ZNF609: variants seen among roughly 807,000 people sequenced by gnomAD.
The protein encoded by ZNF609 is zinc finger protein 609.
ZNF609 carries 11 observed loss-of-function variants against 109.5 expected under a neutral mutation model. That is an observed-to-expected ratio of 0.10 (90% confidence interval 0.06 to 0.17). The LOEUF is 0.17. Among genes scored for constraint, ZNF609 ranks in the 10% least tolerant of loss-of-function variants. The pLI, the probability that ZNF609 is intolerant of heterozygous loss-of-function variation, is 1.00. For synonymous variants in ZNF609, 646 were observed against 662.0 expected (o/e 0.98, Z 0.37); for missense variants, 1,559 against 1,772.4 (o/e 0.88, Z 2.16).
At chr15:64,617,849 T>C (rs956103118) in intron 2 of ZNF609, among the ~76,000 whole-genome samples, 1 of 152,048 alleles carries the variant, frequency 6.6e-6, no homozygotes, top group Non-Finnish European at 1.5e-5. Context: ...ACTCCAGAGA[T>C]CTCCTCTTTA....
chr15:64,477,341 C>A (rs547028131), intron 1 of ZNF609, among the ~76,000 whole-genome samples: 54 of 151,864 alleles, frequency 3.6e-4, no homozygotes, highest in African/African-American at 1.3e-3. Flanking sequence ...GGGGTTTCAC[C>A]GTGTTAGCCA....
intron 2 of ZNF609, among the ~76,000 whole-genome samples, chr15:64,535,502 A>C (rs1894127472): frequency 6.6e-6 from 1 of 152,084 alleles, no homozygotes; most frequent in Admixed American, 6.6e-5. Context: ...GATATACCAC[A>C]GTTTGTTTTA....
At position 64,475,429 on chromosome 15, in the gene ZNF609, T is replaced by A. The variant is rs569102316; in HGVS notation, c.-128+14591T>A. On this transcript the variant is annotated intron_variant, in intron 1 of 9. Transcript: ENST00000326648. The stretch of plus-strand genomic sequence containing the variant: ...TTTTTTTTGAGACGGAGTCTTACTC[T>A]GTCACCCAGGCTAGAGTGCAGCGAT... Among the ~76,000 whole-genome samples, 19 of 139,226 alleles carry A rather than the reference T, an allele frequency of 1.4e-4. No individual in the cohort carries two copies. The South Asian group carries it at 4.5e-3, about 33-fold the overall frequency. 91.3% of individuals were successfully genotyped at this position (139,226 alleles called of 152,430 possible). A position where few individuals can be genotyped will look rare whatever the true frequency, so the allele number is the denominator to read the frequency against.
At chr15:64,663,865 T>C (rs1394475544) in intron 3 of ZNF609, among the ~76,000 whole-genome samples, 4 of 152,218 alleles carry the variant, frequency 2.6e-5, no homozygotes, top group Non-Finnish European at 5.9e-5. Context: ...TTTGAGGTTT[T>C]GAATTATTAT....
chr15:64,660,949 T>C (rs1259633815), intron 3 of ZNF609, among the ~76,000 whole-genome samples: 1 of 151,954 alleles, frequency 6.6e-6, no homozygotes, highest in African/African-American at 2.4e-5. Context: ...TCTGGGTTTT[T>C]GTTGTTTGTT....
intron 2 of ZNF609, among the ~76,000 whole-genome samples, chr15:64,602,635 A>T (rs569781721): frequency 6.7e-6 from 1 of 150,292 alleles, no homozygotes; most frequent in South Asian, 2.1e-4. Context: ...TTTTCTCTCC[A>T]GTCTCTTCAG....
chr15:64,681,066 G>A (rs1327718041), intron 8 of ZNF609, among the ~76,000 whole-genome samples: 1 of 151,972 alleles, frequency 6.6e-6, no homozygotes, highest in Non-Finnish European at 1.5e-5. Flanking sequence ...CTCCCTTGGA[G>A]TTTGGGGACT....
chr15:64,495,851 T>C (rs1233201065), intron 1 of ZNF609, among the ~76,000 whole-genome samples: 2 of 150,678 alleles, frequency 1.3e-5, no homozygotes, highest in African/African-American at 4.9e-5. Flanking sequence ...CACAATTTCA[T>C]TCTGTCACCC....
intron 2 of ZNF609, among the ~76,000 whole-genome samples, chr15:64,544,849 T>A (rs1455628678): frequency 1.3e-5 from 2 of 152,248 alleles, no homozygotes; most frequent in Non-Finnish European, 2.9e-5. Context: ...TTTCAGTCTC[T>A]GGATTCCAAG....
chr15:64,604,376 T>C (rs1035716281), intron 2 of ZNF609, among the ~76,000 whole-genome samples: 2 of 152,192 alleles, frequency 1.3e-5, no homozygotes, highest in African/African-American at 4.8e-5. Context: ...TTCAAGGTAT[T>C]TGAAAAAGCC....
chr15:64,605,479 GAGTTA>G (rs1407688482), intron 2 of ZNF609, among the ~76,000 whole-genome samples: 5 of 152,158 alleles, frequency 3.3e-5, no homozygotes, highest in South Asian at 2.1e-4. Context: ...TAGAAAGGTG[GAGTTA>G]AGTTAACAAG....
At chr15:64,644,971 C>CTT (rs1456904078) in intron 3 of ZNF609, among the ~76,000 whole-genome samples, 44 of 140,576 alleles carry the variant, frequency 3.1e-4, no homozygotes, top group Non-Finnish European at 5.8e-4. Context: ...TTCTTTTCTT[C>CTT]TTTCTTTCTT....
At chr15:64,655,974 A>C (rs1896482537) in intron 3 of ZNF609, among the ~76,000 whole-genome samples, 1 of 152,256 alleles carries the variant, frequency 6.6e-6, no homozygotes, top group South Asian at 2.1e-4. Flanking sequence ...CAACTTTACC[A>C]GATTTAGAAA....
At chr15:64,502,331 C>G (rs1893573426) in intron 2 of ZNF609, 1 of 151,956 alleles carries the variant, frequency 6.6e-6, no homozygotes, top group African/African-American at 2.4e-5. Flanking sequence ...TTGGAAGTTG[C>G]TAGGAGATTA....
chr15:64,608,805 C>T (rs990920312), intron 2 of ZNF609, among the ~76,000 whole-genome samples: 1 of 151,966 alleles, frequency 6.6e-6, no homozygotes, highest in Admixed American at 6.6e-5. Flanking sequence ...GTGGCATGAT[C>T]ATGGCTTACT....
At chr15:64,507,041 G>A (rs796210411) in intron 2 of ZNF609, among the ~76,000 whole-genome samples, 13 of 152,270 alleles carry the variant, frequency 8.5e-5, no homozygotes, top group African/African-American at 3.1e-4. Flanking sequence ...TTGGAGGTGG[G>A]GGGAAGACCA....
At chr15:64,575,869 G>C (rs368934192) in intron 2 of ZNF609, among the ~76,000 whole-genome samples, 1 of 152,180 alleles carries the variant, frequency 6.6e-6, no homozygotes, top group Non-Finnish European at 1.5e-5. Context: ...TTGGGAGGCC[G>C]AGGCAGGTGG....
In ZNF609 at chr15:64,593,878, T is replaced by A. The variant is rs1252867125; in HGVS notation, c.748-28949T>A. 4.6e-5 allele frequency among the ~76,000 whole-genome samples: 7 copies of A among 152,206 alleles called. No individual in the cohort carries two copies. The East Asian group carries it at 1.3e-3, about 29-fold the overall frequency. On this transcript the variant is annotated intron_variant, in intron 2 of 9. Coordinates refer to ENST00000326648, the MANE Select transcript of ZNF609 (RefSeq NM_015042.2). ...TCATTTCATAGTATAATTGAGTGGATAAGAAGGGTTGGTGTTTGCTGTCTC... is the reference window on the plus strand; with the variant it reads ...TCATTTCATAGTATAATTGAGTGGAAAAGAAGGGTTGGTGTTTGCTGTCTC...
At position 64,683,276 on chromosome 15, in the gene ZNF609, AG is replaced by A. The variant is rs2083221952; in HGVS notation, c.*1591del. On this transcript the variant is annotated 3_prime_UTR_variant, in exon 10 of 10. Transcript: ENST00000326648. ...GGGAGTGTGTGACCAGAGTGCCAAA[AG>A]TGACTAGGAGCAGGAACTTGGCTCC... 6.6e-6 allele frequency: 1 copy of A among 152,610 alleles called. No individual in the cohort carries two copies. Among genetic ancestry groups the A allele is most frequent in the African/African-American group, 2.4e-5 (1 of 41,434 alleles). The allele number at this position is 152,610 out of a possible 1,614,324, so 9.5% of individuals were successfully genotyped here. A position where few individuals can be genotyped will look rare whatever the true frequency, so the allele number is the denominator to read the frequency against.
Sources: gnomAD v4.1 joint callset for allele counts (sites outside exome capture counted in the v4.1 genomes callset) on GRCh38, gnomAD v4.1.1 for gene constraint, MANE v1.5 for transcripts, NCBI Gene and HGNC (gene_info 2026-07-23, HGNC 2026-07-21) for gene names.